ACOXL: variants seen among roughly 807,000 people sequenced by gnomAD.
The protein encoded by ACOXL is acyl-coenzyme A oxidase-like protein.
A neutral mutation model predicts 71.9 loss-of-function variants in ACOXL; 70 were observed. The observed-to-expected ratio is 0.97, with a 90% CI of 0.80 to 1.19. The LOEUF (loss-of-function observed/expected upper bound fraction) is 1.19, where lower values mean the gene tolerates loss of function less well. ACOXL is among the 50% of genes most tolerant of loss of function. The pLI is 0.00. For synonymous variants in ACOXL, 253 were observed against 281.6 expected (o/e 0.90, Z 1.02); for missense variants, 703 against 736.3 (o/e 0.95, Z 0.52).
In ACOXL at chr2:111,049,292, G is replaced by C. The variant is rs2066167021; in HGVS notation, c.1440+4G>C. 1 of 1,601,802 alleles carries C rather than the reference G, an allele frequency of 6.2e-7. No homozygotes were observed. On this transcript the variant is annotated splice_donor_region_variant and intron_variant, in intron 16 of 17. Coordinates refer to ENST00000439055, the MANE Select transcript of ACOXL (RefSeq NM_001142807.4). ...GGACCAGACTTTGTTAATGAAGGTA[G>C]GTTATCAGATAAAGAACTTATTTCC...
At chr2:110,984,065 C>T (rs973192328) in intron 12 of ACOXL, among the ~76,000 whole-genome samples, 1 of 152,034 alleles carries the variant, frequency 6.6e-6, no homozygotes, top group South Asian at 2.1e-4. Flanking sequence ...AGGCTGGTCT[C>T]GAACTCCTGA....
At chr2:111,041,294 T>G (rs904679421) in intron 15 of ACOXL, among the ~76,000 whole-genome samples, 3 of 152,176 alleles carry the variant, frequency 2.0e-5, no homozygotes, top group African/African-American at 7.2e-5. Context: ...CGCTGCAAGG[T>G]GGAAAACAGG....
intron 16 of ACOXL, among the ~76,000 whole-genome samples, chr2:111,067,967 G>A (rs2067152411): frequency 6.6e-6 from 1 of 152,166 alleles, no homozygotes; most frequent in Admixed American, 6.5e-5. Context: ...TGTGTGCCAT[G>A]ATGCTGCCCC....
chr2:110,979,167 A>G (rs561117526), intron 12 of ACOXL, among the ~76,000 whole-genome samples: 2 of 152,264 alleles, frequency 1.3e-5, no homozygotes, highest in Admixed American at 6.5e-5. Context: ...CCCAGTCACT[A>G]CTGGGGTTAG....
intron 14 of ACOXL, among the ~76,000 whole-genome samples, chr2:111,000,077 C>T (rs1558849489): frequency 6.6e-6 from 1 of 152,148 alleles, no homozygotes; most frequent in Non-Finnish European, 1.5e-5. Context: ...TGCACCTATG[C>T]AGTTAGCTTT....
chr2:111,004,340 C>T (rs2063775960), intron 14 of ACOXL, among the ~76,000 whole-genome samples: 1 of 152,148 alleles, frequency 6.6e-6, no homozygotes, highest in Non-Finnish European at 1.5e-5. Flanking sequence ...ACATGGGAAG[C>T]CCATCTGCCC....
chr2:110,996,530 C>G (rs2063404672), intron 14 of ACOXL, among the ~76,000 whole-genome samples: 1 of 152,166 alleles, frequency 6.6e-6, no homozygotes, highest in Non-Finnish European at 1.5e-5. Flanking sequence ...TCACTGTCCA[C>G]CCTAGCAATA....
At chr2:111,009,513 C>CAAA (rs35134750) in intron 14 of ACOXL, among the ~76,000 whole-genome samples, 1 of 115,026 alleles carries the variant, frequency 8.7e-6, no homozygotes, top group African/African-American at 3.0e-5. Context: ...GACTCCGTCT[C>CAAA]AAAAAAAAAA....
intron 14 of ACOXL, among the ~76,000 whole-genome samples, chr2:111,025,731 A>AT (rs984961175): frequency 6.6e-6 from 1 of 152,132 alleles, no homozygotes; most frequent in Non-Finnish European, 1.5e-5. Context: ...GATTGCATAG[A>AT]TTTTTGCCTC....
At chr2:110,924,327 C>T (rs72944236) in intron 11 of ACOXL, among the ~76,000 whole-genome samples, 6,263 of 152,186 alleles carry the variant, frequency 0.041, 223 homozygotes, top group African/African-American at 0.084. Flanking sequence ...CGAAGTTTGC[C>T]GCAACAATTG....
rs115827296 is a variant in ACOXL at position 110,824,267 on chromosome 2, A to G, written c.754-17104A>G. 7.9e-3 allele frequency among the ~76,000 whole-genome samples: 1,198 copies of G among 152,324 alleles called. 5 individuals carry two copies. The highest frequency in any genetic ancestry group is 0.013 in the Non-Finnish European group (853 of 68,012). On this transcript the variant is annotated intron_variant, in intron 9 of 17. Coordinates refer to ENST00000439055, the MANE Select transcript of ACOXL (RefSeq NM_001142807.4). ...ATGCCTTGCTGTCTTGATTACTATC[A>G]TCTTGAAATAATCTAATGTGAATCC... is the stretch of plus-strand genomic sequence containing the variant.
intron 15 of ACOXL, among the ~76,000 whole-genome samples, chr2:111,032,229 G>A (rs1558891451): frequency 6.6e-6 from 1 of 152,084 alleles, no homozygotes; most frequent in African/African-American, 2.4e-5. Flanking sequence ...GCAACGTTTG[G>A]ATGTTTGGCA....
At chr2:110,771,897 A>C (rs1227071297) in intron 2 of ACOXL, among the ~76,000 whole-genome samples, 1 of 152,166 alleles carries the variant, frequency 6.6e-6, no homozygotes, top group Non-Finnish European at 1.5e-5. Flanking sequence ...CTTATCATCT[A>C]CTTTGTGGCA....
At chr2:110,782,448 A>G (rs1683454590) in intron 2 of ACOXL, among the ~76,000 whole-genome samples, 1 of 152,210 alleles carries the variant, frequency 6.6e-6, no homozygotes, top group Non-Finnish European at 1.5e-5. Flanking sequence ...TCAGTTCTGG[A>G]ACTTTGGTTT....
chr2:110,768,099 G>A (rs1001718250), intron 1 of ACOXL, among the ~76,000 whole-genome samples: 5 of 152,066 alleles, frequency 3.3e-5, no homozygotes, highest in African/African-American at 9.7e-5. Flanking sequence ...ACTGCTGCAC[G>A]CCAGCCTAGG....
chr2:110,768,232 C>T (rs1468335094), intron 1 of ACOXL, 136 bp from the exon 2 acceptor site: 7 of 637,046 alleles, frequency 1.1e-5, no homozygotes, highest in East Asian at 5.6e-5. Context: ...GTCTGTGTGA[C>T]ACACACAGTG....
At chr2:110,992,089 C>A (rs548754287) in intron 13 of ACOXL, among the ~76,000 whole-genome samples, 235 of 152,212 alleles carry the variant, frequency 1.5e-3, no homozygotes, top group Non-Finnish European at 2.8e-3. Flanking sequence ...ACGACACGCT[C>A]TCACCCATAT....
intron 5 of ACOXL, 106 bp from the exon 6 acceptor site, chr2:110,798,503 AC>A (rs1413798198): frequency 1.2e-6 from 1 of 829,110 alleles, no homozygotes; most frequent in Non-Finnish European, 2.0e-6. Flanking sequence ...TGATCCACCC[AC>A]CTCGGCCCCC....
At chr2:110,963,604 T>TGTG in intron 12 of ACOXL, 1 of 1,599,388 alleles carries the variant, frequency 6.3e-7, no homozygotes, top group Non-Finnish European at 8.5e-7. Context: ...TGTGTGTGTG[T>TGTG]TTTTCTCTTT....
Sources: allele counts gnomAD v4.1 joint callset (sites outside exome capture counted in the v4.1 genomes callset), GRCh38; gene constraint gnomAD v4.1.1; transcripts MANE v1.5; gene names NCBI Gene and HGNC (gene_info 2026-07-23, HGNC 2026-07-21).